Variants in NBEA observed in about 807,000 individuals in gnomAD.
NBEA encodes lysosomal-trafficking regulator 2.
NBEA carries 44 observed loss-of-function variants against 343.4 expected under a neutral mutation model. The ratio of observed to expected loss-of-function variants is 0.13; its 90% CI spans 0.10 to 0.16. NBEA has a LOEUF of 0.16. Among genes scored for constraint, NBEA ranks in the 10% least tolerant of loss-of-function variants. The pLI is 1.00. For synonymous variants in NBEA, 1,175 were observed against 1,238.7 expected, an observed-to-expected ratio of 0.95 and a Z score of 1.08; for missense variants, 2,555 against 3,631.3, an observed-to-expected ratio of 0.70 and a Z score of 7.62.
chr13:35,575,508 A>T, intron 45 of NBEA, among the ~76,000 whole-genome samples: 1 of 152,198 alleles, frequency 6.6e-6, no homozygotes, highest in African/African-American at 2.4e-5. Context: ...GCAAAGAAAA[A>T]GTACCAATTC....
In NBEA at chr13:35,183,970, C is replaced by A; in HGVS notation, c.4832-6C>A. 1 of 1,603,806 alleles carries A rather than the reference C, an allele frequency of 6.2e-7. No homozygotes were observed. The highest frequency in any genetic ancestry group is 1.1e-5 in the South Asian group (1 of 90,006). Reference sequence around the variant, plus strand: ...CTCAAATTTGATTCCATGATTTTCTCCACAGTTGTGGTCATACCATCTATC... The same window carrying A: ...CTCAAATTTGATTCCATGATTTTCTACACAGTTGTGGTCATACCATCTATC... On this transcript the variant is annotated splice_region_variant and splice_polypyrimidine_tract_variant and intron_variant, in intron 29 of 58. Coordinates refer to ENST00000379939, the MANE Select transcript of NBEA (RefSeq NM_001385012.1).
chr13:35,110,486 C>CT (rs2066146679), intron 12 of NBEA, among the ~76,000 whole-genome samples: 1 of 152,018 alleles, frequency 6.6e-6, no homozygotes, highest in African/African-American at 2.4e-5. Context: ...CTGAAATGTA[C>CT]TTTAAGAGCT....
intron 49 of NBEA, among the ~76,000 whole-genome samples, chr13:35,632,749 G>A (rs531010357): frequency 1.8e-4 from 27 of 151,636 alleles, no homozygotes; most frequent in African/African-American, 2.4e-4. Context: ...ACCCACAACC[G>A]CACCTGGCTA....
At chr13:35,609,834 G>T (rs561399298) in intron 48 of NBEA, among the ~76,000 whole-genome samples, 1 of 152,074 alleles carries the variant, frequency 6.6e-6, no homozygotes, top group Non-Finnish European at 1.5e-5. Flanking sequence ...GAAAGCCTGC[G>T]CAGAATGCTG....
At chr13:35,506,609 C>G (rs1443385320) in intron 41 of NBEA, among the ~76,000 whole-genome samples, 1 of 152,104 alleles carries the variant, frequency 6.6e-6, no homozygotes, top group Admixed American at 6.6e-5. Flanking sequence ...CACTCATTCC[C>G]AACAACACAG....
At chr13:35,129,152 T>C (rs2067282838) in intron 17 of NBEA, among the ~76,000 whole-genome samples, 1 of 152,032 alleles carries the variant, frequency 6.6e-6, no homozygotes, top group Admixed American at 6.6e-5. Flanking sequence ...ATGGCATATG[T>C]ATACATATGT....
At chr13:35,648,167 G>A (rs918180364) in intron 51 of NBEA, among the ~76,000 whole-genome samples, 1 of 144,432 alleles carries the variant, frequency 6.9e-6, no homozygotes, top group Non-Finnish European at 1.5e-5. Flanking sequence ...CCTGCCTGGT[G>A]TGTGTTTAAA....
At chr13:35,641,794 C>T (rs1188532878) in intron 49 of NBEA, among the ~76,000 whole-genome samples, 1 of 151,804 alleles carries the variant, frequency 6.6e-6, no homozygotes, top group Non-Finnish European at 1.5e-5. Flanking sequence ...AGTCCTCTGT[C>T]TTAATGTAGA....
chr13:35,028,920 TAATC>T (rs2062106487), intron 1 of NBEA, among the ~76,000 whole-genome samples: 1 of 151,804 alleles, frequency 6.6e-6, no homozygotes, highest in Non-Finnish European at 1.5e-5. Flanking sequence ...GTTTCAAGAT[TAATC>T]CATGCTGTAG....
intron 38 of NBEA, among the ~76,000 whole-genome samples, chr13:35,365,841 G>A (rs533391540): frequency 2.6e-5 from 4 of 151,602 alleles, no homozygotes; most frequent in Admixed American, 2.6e-4. Context: ...TTTCATAAGT[G>A]AAGAGTAAAT....
intron 45 of NBEA, among the ~76,000 whole-genome samples, chr13:35,570,995 G>A (rs776183857): frequency 1.3e-5 from 2 of 151,926 alleles, no homozygotes; most frequent in African/African-American, 4.8e-5. Flanking sequence ...AGAAGCTCAA[G>A]GAAAAATTGA....
At chr13:35,317,361 A>T (rs1352694663) in intron 36 of NBEA, among the ~76,000 whole-genome samples, 1 of 152,206 alleles carries the variant, frequency 6.6e-6, no homozygotes, top group Non-Finnish European at 1.5e-5. Flanking sequence ...TAAATGGGGA[A>T]TCCTTTCCCC....
At chr13:35,425,197 T>A (rs556966524) in intron 38 of NBEA, among the ~76,000 whole-genome samples, 3 of 152,168 alleles carry the variant, frequency 2.0e-5, no homozygotes. Context: ...AGCTTTTGAA[T>A]GTGTTTGCTC....
chr13:35,133,559 A>G lies in NBEA; in HGVS notation c.2337-8710A>G, dbSNP rs146019154. Among the ~76,000 whole-genome samples the G allele has an allele frequency of 7.9e-4, 120 of 152,236 alleles. No individual in the cohort carries two copies. The East Asian group carries it at 0.022, about 28-fold the overall frequency. On this transcript the variant is annotated intron_variant, in intron 17 of 58. Transcript: ENST00000379939. ...ACATTGCTAATATTAAAAGTTGGAA[A>G]CAACATAGAATAGGAGAACAGATAA...
intron 1 of NBEA, among the ~76,000 whole-genome samples, chr13:35,028,250 A>T (rs1181433908): frequency 6.6e-6 from 1 of 151,900 alleles, no homozygotes; most frequent in Non-Finnish European, 1.5e-5. Context: ...CTTATATGTT[A>T]ATTTGAGGAG....
chr13:35,020,037 T>G (rs2061783397), intron 1 of NBEA, among the ~76,000 whole-genome samples: 1 of 152,138 alleles, frequency 6.6e-6, no homozygotes. Context: ...TAGTTATATT[T>G]TTTCTTTGAC....
At chr13:35,535,757 G>A (rs1386502185) in intron 41 of NBEA, among the ~76,000 whole-genome samples, 1 of 152,168 alleles carries the variant, frequency 6.6e-6, no homozygotes, top group African/African-American at 2.4e-5. Flanking sequence ...TTTAGAGTCT[G>A]TGTGTCATCC....
chr13:35,206,147 T>C (rs1453321059), intron 31 of NBEA, among the ~76,000 whole-genome samples: 2 of 152,128 alleles, frequency 1.3e-5, no homozygotes, highest in South Asian at 2.1e-4. Flanking sequence ...GTCATAATTA[T>C]GGGATTTAGA....
intron 39 of NBEA, 112 bp from the exon 40 acceptor site, chr13:35,451,980 G>A (rs2046334917): frequency 3.8e-6 from 3 of 783,876 alleles, no homozygotes; most frequent in South Asian, 3.9e-5. Flanking sequence ...TAATTGTAAA[G>A]TAATATGTAA....
Sources: allele counts gnomAD v4.1 joint callset (sites outside exome capture counted in the v4.1 genomes callset), GRCh38; gene constraint gnomAD v4.1.1; transcripts MANE v1.5; gene names NCBI Gene and HGNC (gene_info 2026-07-23, HGNC 2026-07-21).